TANC2: variants seen among roughly 807,000 people sequenced by gnomAD.
TANC2 encodes the protein tetratricopeptide repeat, ankyrin repeat and coiled-coil containing 2.
A neutral mutation model predicts 210.5 loss-of-function variants in TANC2; 26 were observed. That is an observed-to-expected ratio of 0.12 (90% CI 0.09 to 0.17). TANC2 has a LOEUF of 0.17. Among genes scored for constraint, TANC2 ranks in the 10% least tolerant of loss-of-function variants. The pLI, the probability that TANC2 is intolerant of heterozygous loss-of-function variation, is 1.00. For synonymous variants in TANC2, 931 were observed against 967.1 expected (o/e 0.96, Z 0.69); for missense variants, 2,129 against 2,608.9 (o/e 0.82, Z 4.01).
At chr17:63,064,446 G>GAGACCC (rs1186896110) in intron 2 of TANC2, among the ~76,000 whole-genome samples, 1 of 152,098 alleles carries the variant, frequency 6.6e-6, no homozygotes, top group African/African-American at 2.4e-5. Context: ...GTGACAGAGC[G>GAGACCC]AGACCCTATC....
intron 7 of TANC2, among the ~76,000 whole-genome samples, chr17:63,222,744 CACACAT>C (rs917854475): frequency 6.6e-6 from 1 of 151,996 alleles, no homozygotes; most frequent in African/African-American, 2.4e-5. Flanking sequence ...CACACACACA[CACACAT>C]ACACACTAGC....
intron 4 of TANC2, among the ~76,000 whole-genome samples, chr17:63,135,288 A>G (rs1206317388): frequency 6.6e-6 from 1 of 152,228 alleles, no homozygotes; most frequent in Non-Finnish European, 1.5e-5. Context: ...ACTATCTGTT[A>G]TGTACTGTTG....
chr17:63,379,659 A>G (rs556468214), intron 14 of TANC2, 59 bp from the exon 15 acceptor site: 24 of 1,352,968 alleles, frequency 1.8e-5, no homozygotes, highest in Non-Finnish European at 2.3e-5. Flanking sequence ...ACAGAGTGAG[A>G]CTCCATCTCA....
intron 4 of TANC2, among the ~76,000 whole-genome samples, chr17:63,117,600 A>G (rs779583228): frequency 1.3e-5 from 2 of 152,230 alleles, no homozygotes; most frequent in Non-Finnish European, 2.9e-5. Context: ...CCTGTAACGC[A>G]CAGTAAGTTC....
intron 2 of TANC2, among the ~76,000 whole-genome samples, 187 bp downstream of exon 2, chr17:63,009,813 CGAAA>C (rs1263167516): frequency 6.6e-6 from 1 of 151,844 alleles, no homozygotes; most frequent in Non-Finnish European, 1.5e-5. Context: ...CAGGAATAGT[CGAAA>C]GAAAGGAAAA....
chr17:63,110,518 C>G (rs2037995677), intron 4 of TANC2, among the ~76,000 whole-genome samples: 1 of 151,150 alleles, frequency 6.6e-6, no homozygotes, highest in East Asian at 1.9e-4. Flanking sequence ...AAGATCAAGG[C>G]ACCAGCAGGT....
chr17:63,086,727 T>A (rs2036980254), intron 3 of TANC2, among the ~76,000 whole-genome samples: 1 of 152,344 alleles, frequency 6.6e-6, no homozygotes. Flanking sequence ...AAGTGGGGAC[T>A]TGGAGAACTT....
intron 9 of TANC2, among the ~76,000 whole-genome samples, chr17:63,309,365 A>G (rs546225374): frequency 6.6e-6 from 1 of 152,358 alleles, no homozygotes; most frequent in East Asian, 1.9e-4. Context: ...ATGGTTTTGA[A>G]TATGATTACA....
Position 63,421,244 on chromosome 17 carries a change from T to C in TANC2, c.5514T>C (p.Pro1838=). ...ATGTGTCGCATTTAATCAGAAGACCTATCAGTGTCAACCCTAACGAAATCA... is the reference window on the plus strand; with the variant it reads ...ATGTGTCGCATTTAATCAGAAGACCCATCAGTGTCAACCCTAACGAAATCA... Residue 1838 remains proline, a synonymous_variant, in exon 28 of 28, where the codon CCT becomes CCC. Transcript: ENST00000689528. The surrounding 1 kb of genome is among the most constrained non-coding windows in gnomAD (Gnocchi z 6.9). The C allele has an allele frequency of 6.2e-7, 1 of 1,614,002 alleles. No individual in the cohort carries two copies. The highest frequency in any genetic ancestry group is 8.5e-7 in the Non-Finnish European group (1 of 1,179,896).
At chr17:63,381,731 TC>T (rs1305305393) in intron 15 of TANC2, among the ~76,000 whole-genome samples, 5 of 152,208 alleles carry the variant, frequency 3.3e-5, no homozygotes, top group African/African-American at 1.2e-4. Flanking sequence ...CAGCTAAAGA[TC>T]CCTAAGATGA....
At chr17:63,348,795 G>A (rs73325746) in intron 12 of TANC2, among the ~76,000 whole-genome samples, 4 of 152,112 alleles carry the variant, frequency 2.6e-5, no homozygotes, top group African/African-American at 9.6e-5. Flanking sequence ...ACAGAAATTT[G>A]AATGAGTGAA....
exon 14 of TANC2, chr17:63,355,236 C>G (rs780527488): frequency 6.2e-7 from 1 of 1,613,652 alleles, no homozygotes; most frequent in Non-Finnish European, 8.5e-7. Flanking sequence ...TGAAGGCACA[C>G]TAGAATGGGA....
intron 5 of TANC2, among the ~76,000 whole-genome samples, chr17:63,156,317 T>C (rs1010345269): frequency 6.6e-6 from 1 of 152,120 alleles, no homozygotes; most frequent in Non-Finnish European, 1.5e-5. Context: ...ACTTGCTACA[T>C]GTACATATGT....
intron 9 of TANC2, among the ~76,000 whole-genome samples, chr17:63,299,742 C>A (rs2044651333): frequency 6.6e-6 from 1 of 152,072 alleles, no homozygotes; most frequent in South Asian, 2.1e-4. Flanking sequence ...TGCCTGTTCA[C>A]TCTGATGATG....
At position 63,412,246 on chromosome 17, in the gene TANC2, C is replaced by A; in HGVS notation, c.3898+116C>A. On this transcript the variant is annotated intron_variant, in intron 23 of 27. Coordinates refer to ENST00000689528, the Ensembl canonical transcript of TANC2. The surrounding 1 kb of genome is among the most constrained non-coding windows in gnomAD (Gnocchi z 4.2). The stretch of plus-strand genomic sequence containing the variant: ...ATATAGTTCCCCCTCCTCCCTGGCC[C>A]AATTATTGTCCAAGTGAACAGAGAG... The A allele has an allele frequency of 7.1e-7, 1 of 1,406,674 alleles. No individual in the cohort carries two copies. Among genetic ancestry groups the A allele is most frequent in the Non-Finnish European group, 9.7e-7 (1 of 1,033,860 alleles). 87.1% of individuals were successfully genotyped at this position (1,406,674 alleles called of 1,614,324 possible). A position where few individuals can be genotyped will look rare whatever the true frequency, so the allele number is the denominator to read the frequency against.
intron 5 of TANC2, among the ~76,000 whole-genome samples, chr17:63,174,821 A>G (rs775551705): frequency 6.6e-6 from 1 of 152,238 alleles, no homozygotes; most frequent in Non-Finnish European, 1.5e-5. Context: ...AATGAATGGT[A>G]TTGCTATATT....
At chr17:63,101,920 A>G (rs2037637365) in intron 4 of TANC2, among the ~76,000 whole-genome samples, 1 of 152,170 alleles carries the variant, frequency 6.6e-6, no homozygotes, top group African/African-American at 2.4e-5. Context: ...CAAAAGTCCT[A>G]AAGCAGAAAT....
At chr17:63,067,585 T>C (rs1308589467) in intron 2 of TANC2, among the ~76,000 whole-genome samples, 1 of 151,390 alleles carries the variant, frequency 6.6e-6, no homozygotes, top group African/African-American at 2.4e-5. Context: ...AAAGGAAAAA[T>C]AAAGTCTTAA....
intron 4 of TANC2, among the ~76,000 whole-genome samples, chr17:63,112,587 A>G (rs965002017): frequency 4.6e-5 from 7 of 152,208 alleles, no homozygotes; most frequent in Admixed American, 1.3e-4. Context: ...TTAGAGTTCT[A>G]CATAGTCATT....
Sources: allele counts gnomAD v4.1 joint callset (sites outside exome capture counted in the v4.1 genomes callset), GRCh38; gene constraint gnomAD v4.1.1; non-coding constraint Gnocchi (gnomAD v3.1); transcripts MANE v1.5; gene names NCBI Gene and HGNC (gene_info 2026-07-23, HGNC 2026-07-21).